Variants in TOX2 observed in about 807,000 individuals in gnomAD.
The protein encoded by TOX2 is TOX high mobility group box family member 2, also known as granulosa cell HMG box 1.
Under a neutral mutation model 47.4 loss-of-function variants are expected in TOX2, and 15 were observed. That is an observed-to-expected ratio of 0.32 (90% CI 0.21 to 0.49). The LOEUF is 0.49. TOX2 is among the 20% of genes least tolerant of loss of function. The pLI is 0.99. For synonymous variants in TOX2, 290 were observed against 296.6 expected, an observed-to-expected ratio of 0.98 and a Z score of 0.23; for missense variants, 622 against 673.1, an observed-to-expected ratio of 0.92 and a Z score of 0.84.
intron 3 of TOX2, chr20:44,039,330 GGAGA>G (rs1174497811): frequency 1.6e-6 from 2 of 1,286,202 alleles, no homozygotes; most frequent in Non-Finnish European, 2.0e-6. Context: ...GAGGTCAGGA[GGAGA>G]GAGATTGTAC....
At chr20:44,025,282 A>G (rs1257606946) in intron 3 of TOX2, among the ~76,000 whole-genome samples, 1 of 151,974 alleles carries the variant, frequency 6.6e-6, no homozygotes, top group Non-Finnish European at 1.5e-5. Context: ...GTTCTGGAGC[A>G]TAAATTGCAC....
chr20:44,029,804 C>T (rs563308475), intron 3 of TOX2, among the ~76,000 whole-genome samples: 1 of 152,272 alleles, frequency 6.6e-6, no homozygotes, highest in South Asian at 2.1e-4. Flanking sequence ...CTCTGGCTGT[C>T]TATATTTCCT....
chr20:44,036,888 G>A (rs2071250085), intron 3 of TOX2, among the ~76,000 whole-genome samples: 1 of 152,196 alleles, frequency 6.6e-6, no homozygotes, highest in African/African-American at 2.4e-5. Context: ...GTCATTTTTA[G>A]TGTCCTTGGA....
chr20:44,057,751 G>T (rs577538124), intron 5 of TOX2, among the ~76,000 whole-genome samples: 1 of 152,090 alleles, frequency 6.6e-6, no homozygotes, highest in Non-Finnish European at 1.5e-5. Flanking sequence ...TGATTCTGAG[G>T]GTCCATGAAC....
At chr20:43,996,712 T>C (rs560253281) in intron 2 of TOX2, among the ~76,000 whole-genome samples, 1 of 152,194 alleles carries the variant, frequency 6.6e-6, no homozygotes, top group East Asian at 1.9e-4. Context: ...CCCATCTGTT[T>C]CCTGGTATAA....
In TOX2 at chr20:44,064,778, C is replaced by T; in HGVS notation, c.881C>T (p.Ala294Val). The change falls in exon 6 of 9, where the codon GCC becomes GTC. Residue 294 changes from alanine (A) to valine (V), a missense_variant and splice_region_variant. Coordinates refer to ENST00000341197, the MANE Select transcript of TOX2 (RefSeq NM_001098797.2). Reference protein sequence around the residue: ...WDSLGEEQKQAYKRKTEAAKK... With the variant: ...WDSLGEEQKQVYKRKTEAAKK... The stretch of plus-strand genomic sequence containing the variant: ...TTGCTCATGTGTTGACTCTTCCAGG[C>T]CTACAAGAGGAAGACAGAAGCAGCA... 6.2e-7 allele frequency: 1 copy of T among 1,614,086 alleles called. No homozygotes were observed. Among genetic ancestry groups the T allele is most frequent in the Non-Finnish European group, 8.5e-7 (1 of 1,179,976 alleles).
intron 5 of TOX2, among the ~76,000 whole-genome samples, chr20:44,057,299 TAAAAA>T: frequency 6.6e-6 from 1 of 152,330 alleles, no homozygotes; most frequent in African/African-American, 2.4e-5. Flanking sequence ...CTAGGACTTC[TAAAAA>T]AGAGATGTTC....
chr20:44,039,742 A>G (rs1282089448), intron 3 of TOX2, among the ~76,000 whole-genome samples: 1 of 152,118 alleles, frequency 6.6e-6, no homozygotes, highest in East Asian at 1.9e-4. Context: ...GTCTTCCAGG[A>G]CGCAAGTCAG....
chr20:44,028,309 G>A (rs540213226), intron 3 of TOX2, among the ~76,000 whole-genome samples: 1 of 152,070 alleles, frequency 6.6e-6, no homozygotes, highest in African/African-American at 2.4e-5. Flanking sequence ...AGGGGGGTGA[G>A]GGGGTCTAGT....
At chr20:44,034,802 C>CA (rs56910393) in intron 3 of TOX2, among the ~76,000 whole-genome samples, 1 of 152,188 alleles carries the variant, frequency 6.6e-6, no homozygotes, top group Non-Finnish European at 1.5e-5. Context: ...AGAATACCCC[C>CA]AAAAGATGTC....
At chr20:43,981,584 T>C (rs2070169895) in intron 2 of TOX2, among the ~76,000 whole-genome samples, 1 of 152,228 alleles carries the variant, frequency 6.6e-6, no homozygotes, top group African/African-American at 2.4e-5. Context: ...TTTCACCGTA[T>C]CTTTTTATGT....
chr20:43,998,264 A>T (rs140304520), intron 2 of TOX2, among the ~76,000 whole-genome samples: 264 of 152,284 alleles, frequency 1.7e-3, no homozygotes, highest in African/African-American at 6.0e-3. Flanking sequence ...CCCTGCCTGA[A>T]CTCTGAGAAT....
intron 8 of TOX2, among the ~76,000 whole-genome samples, chr20:44,067,621 G>A (rs2071851779): frequency 6.6e-6 from 1 of 152,056 alleles, no homozygotes; most frequent in African/African-American, 2.4e-5. Flanking sequence ...TGGGCCTCCT[G>A]TCTCAGGCCT....
intron 1 of TOX2, among the ~76,000 whole-genome samples, chr20:43,949,278 C>G (rs1196776714): frequency 6.6e-6 from 1 of 152,232 alleles, no homozygotes; most frequent in Non-Finnish European, 1.5e-5. Flanking sequence ...CTTCAGGGTG[C>G]AATGACTTCT....
At chr20:43,969,961 A>G (rs955854703) in intron 1 of TOX2, among the ~76,000 whole-genome samples, 2 of 152,140 alleles carry the variant, frequency 1.3e-5, no homozygotes, top group African/African-American at 4.8e-5. Flanking sequence ...GTCGGAGACC[A>G]GGCCCCCTTG....
At position 43,945,907 on chromosome 20, in the gene TOX2, C is replaced by A. The variant is rs757943980; in HGVS notation, c.100-27460C>A. On this transcript the variant is annotated intron_variant, in intron 1 of 8. Coordinates refer to ENST00000341197, the MANE Select transcript of TOX2 (RefSeq NM_001098797.2). ...TCTGGCATTTTTTCCTCTTTCTCTG[C>A]TGATTATGCAGCAGACTCGCACAGA... is the stretch of plus-strand genomic sequence containing the variant. 3.1e-6 allele frequency: 5 copies of A among 1,611,996 alleles called. No individual in the cohort carries two copies. The African/African-American group carries it at 6.7e-5, about 22-fold the overall frequency.
chr20:44,019,104 C>A (rs2070937136), intron 3 of TOX2, among the ~76,000 whole-genome samples: 2 of 152,052 alleles, frequency 1.3e-5, no homozygotes, highest in South Asian at 4.2e-4. Context: ...GACTGACTGA[C>A]TGACTGAAAA....
chr20:44,045,893 C>T (rs1029427799), intron 3 of TOX2, among the ~76,000 whole-genome samples: 3 of 152,176 alleles, frequency 2.0e-5, no homozygotes, highest in African/African-American at 7.2e-5. Flanking sequence ...AGTTCTAAAG[C>T]TGATTTGATC....
At chr20:43,949,452 TTGTCTTTTGTAATCAGCTGGA>T (rs2069523263) in intron 1 of TOX2, among the ~76,000 whole-genome samples, 1 of 152,190 alleles carries the variant, frequency 6.6e-6, no homozygotes, top group Non-Finnish European at 1.5e-5. Flanking sequence ...CTGTGGTTGG[TTGTCTTTTGTAATCAGCTGGA>T]TCTGTTCTGA....
Sources: allele counts gnomAD v4.1 joint callset (sites outside exome capture counted in the v4.1 genomes callset), GRCh38; gene constraint gnomAD v4.1.1; transcripts MANE v1.5; gene names NCBI Gene and HGNC (gene_info 2026-07-23, HGNC 2026-07-21).